PKHD1: variants seen among roughly 807,000 people sequenced by gnomAD.
PKHD1 encodes the protein fibrocystin.
Under a neutral mutation model 412.0 loss-of-function variants are expected in PKHD1, and 291 were observed. The ratio of observed to expected loss-of-function variants is 0.71; its 90% CI spans 0.64 to 0.78. The LOEUF (loss-of-function observed/expected upper bound fraction) is 0.78. Ranked by LOEUF, PKHD1 falls within the 30% of genes least tolerant of loss-of-function variation. The pLI is 0.00. For missense variants in PKHD1, 4,825 were observed against 4,950.7 expected, an observed-to-expected ratio of 0.97 and a Z score of 0.76; for synonymous variants, 1,777 against 1,821.5, an observed-to-expected ratio of 0.98 and a Z score of 0.62.
intron 66 of PKHD1, among the ~76,000 whole-genome samples, chr6:51,625,940 C>T (rs1767171400): frequency 6.6e-6 from 1 of 152,172 alleles, no homozygotes; most frequent in South Asian, 2.1e-4. Context: ...CAATAGCACT[C>T]CCAACCACAC....
At position 52,079,413 on chromosome 6, in the gene PKHD1, A is replaced by G. The variant is rs1205787754; in HGVS notation, c.390+487T>C. 3.3e-5 allele frequency among the ~76,000 whole-genome samples: 5 copies of G among 152,184 alleles called. No homozygotes were observed. The East Asian group carries it at 9.6e-4, about 29-fold the overall frequency. On this transcript the variant is annotated intron_variant, in intron 5 of 66. Coordinates refer to ENST00000371117, the MANE Select transcript of PKHD1 (RefSeq NM_138694.4). ...GAGGTAGAAATTGGGTCTCCTCACCAAGGAACGTGGGGCCTTGAGTCTCTT... is the reference window on the plus strand; with the variant it reads ...GAGGTAGAAATTGGGTCTCCTCACCGAGGAACGTGGGGCCTTGAGTCTCTT...
Position 51,912,431 on chromosome 6 carries a change from C to A in PKHD1, c.6267G>T (p.Pro2089=), listed in dbSNP as rs1399100600. Reference sequence around the variant, plus strand: ...TTTCCACAGTGACAATCTCTTCCATCGGTTTGGCACCTTTAACACCTGTTC... The same window carrying A: ...TTTCCACAGTGACAATCTCTTCCATAGGTTTGGCACCTTTAACACCTGTTC... The part of the protein sequence containing the change: ...ISGTGVKGAK[P]MEEIVTVETV... The change falls in exon 38 of 67, where the codon CCG becomes CCT. Residue 2089 remains proline (P), a synonymous_variant. Coordinates refer to ENST00000371117, the MANE Select transcript of PKHD1 (RefSeq NM_138694.4). The A allele has an allele frequency of 1.2e-6, 2 of 1,612,942 alleles. No homozygotes were observed. The highest frequency in any genetic ancestry group is 2.2e-5 in the East Asian group (1 of 44,868).
intron 60 of PKHD1, chr6:51,741,173 C>T (rs766447189): frequency 5.8e-6 from 3 of 518,834 alleles, no homozygotes; most frequent in East Asian, 5.4e-5. Flanking sequence ...TAGCATATTA[C>T]ACCATCTGGT....
chr6:51,623,614 C>T (rs1413508311), intron 66 of PKHD1, among the ~76,000 whole-genome samples: 3 of 151,300 alleles, frequency 2.0e-5, no homozygotes, highest in Non-Finnish European at 4.4e-5. Context: ...GATGGAGTCT[C>T]GCTCTGTCAC....
chr6:51,765,531 G>A (rs575355557), intron 55 of PKHD1, among the ~76,000 whole-genome samples: 41 of 152,110 alleles, frequency 2.7e-4, no homozygotes, highest in Admixed American at 5.2e-4. Context: ...AGGCCAGCTG[G>A]TTCCCACCCA....
intron 43 of PKHD1, among the ~76,000 whole-genome samples, chr6:51,892,337 G>A (rs1311775004): frequency 1.3e-5 from 2 of 152,170 alleles, no homozygotes; most frequent in Non-Finnish European, 2.9e-5. Context: ...ATGGTCTTAG[G>A]GTGGCCTAGT....
intron 52 of PKHD1, among the ~76,000 whole-genome samples, chr6:51,792,913 A>G (rs1217030454): frequency 6.6e-6 from 1 of 152,206 alleles, no homozygotes; most frequent in Non-Finnish European, 1.5e-5. Flanking sequence ...TTATATACAT[A>G]CATTATTGTA....
At chr6:51,820,686 G>A (rs925061069) in intron 52 of PKHD1, among the ~76,000 whole-genome samples, 17 of 152,138 alleles carry the variant, frequency 1.1e-4, no homozygotes, top group African/African-American at 4.1e-4. Context: ...GAACCCTTGA[G>A]CTGCTTAATA....
intron 37 of PKHD1, among the ~76,000 whole-genome samples, chr6:51,917,489 G>A (rs1247039684): frequency 6.6e-6 from 1 of 152,014 alleles, no homozygotes; most frequent in Admixed American, 6.6e-5. Context: ...AATCAGAAGT[G>A]CACTGTGCAA....
intron 66 of PKHD1, among the ~76,000 whole-genome samples, chr6:51,620,360 A>G (rs922922192): frequency 3.3e-5 from 5 of 152,202 alleles, no homozygotes; most frequent in African/African-American, 1.2e-4. Flanking sequence ...CTGTGTAAAG[A>G]TAAAGACTGC....
chr6:51,950,240 T>TATGA (rs1790155461), intron 36 of PKHD1, among the ~76,000 whole-genome samples: 1 of 142,578 alleles, frequency 7.0e-6, no homozygotes, highest in Non-Finnish European at 1.5e-5. Flanking sequence ...TATATATATA[T>TATGA]GAAATAAAAT....
chr6:52,033,712 C>G (rs1803446720), intron 28 of PKHD1, among the ~76,000 whole-genome samples: 1 of 151,924 alleles, frequency 6.6e-6, no homozygotes, highest in South Asian at 2.1e-4. Context: ...AGGATAAAAT[C>G]TGTAGAATAA....
At chr6:51,662,811 AC>A (rs1348066134) in intron 60 of PKHD1, among the ~76,000 whole-genome samples, 1 of 152,010 alleles carries the variant, frequency 6.6e-6, no homozygotes, top group Admixed American at 6.6e-5. Flanking sequence ...ACATTCAACA[AC>A]TTAAAGTAGA....
At chr6:52,056,586 T>A (rs775305485) in intron 18 of PKHD1, 112 bp downstream of exon 18, 9 of 874,344 alleles carry the variant, frequency 1.0e-5, no homozygotes, top group African/African-American at 5.0e-5. Context: ...GGTTTCATAT[T>A]TTTTTTTTAC....
chr6:51,913,802 T>C (rs961871355), intron 37 of PKHD1, among the ~76,000 whole-genome samples: 32 of 152,116 alleles, frequency 2.1e-4, no homozygotes, highest in African/African-American at 7.5e-4. Flanking sequence ...GGGTTAATAT[T>C]GTAATTTCTG....
At chr6:51,704,412 A>C (rs1171681372) in intron 60 of PKHD1, among the ~76,000 whole-genome samples, 1 of 152,130 alleles carries the variant, frequency 6.6e-6, no homozygotes, top group African/African-American at 2.4e-5. Context: ...TTTTATACAG[A>C]CACTTACATA....
chr6:51,719,249 C>T (rs927443939), intron 60 of PKHD1, among the ~76,000 whole-genome samples: 2 of 151,958 alleles, frequency 1.3e-5, no homozygotes, highest in South Asian at 4.1e-4. Flanking sequence ...CACTCTGTTG[C>T]TCAGGCTAGA....
intron 27 of PKHD1, among the ~76,000 whole-genome samples, chr6:52,042,305 A>G (rs935806713): frequency 6.6e-6 from 1 of 152,230 alleles, no homozygotes; most frequent in Non-Finnish European, 1.5e-5. Flanking sequence ...AGAATAAACC[A>G]TGACAAAAAT....
intron 52 of PKHD1, among the ~76,000 whole-genome samples, chr6:51,802,785 T>A (rs1763135014): frequency 6.6e-6 from 1 of 151,214 alleles, no homozygotes; most frequent in Admixed American, 6.6e-5. Context: ...TGAAAATAAA[T>A]CTTCTCTTTT....
Sources: gnomAD v4.1 joint callset for allele counts (sites outside exome capture counted in the v4.1 genomes callset) on GRCh38, gnomAD v4.1.1 for gene constraint, MANE v1.5 for transcripts, NCBI Gene and HGNC (gene_info 2026-07-23, HGNC 2026-07-21) for gene names.